The following GALNTL6 variants were observed in gnomAD, a reference collection of about 807,000 sequenced individuals.
The protein encoded by GALNTL6 is polypeptide N-acetylgalactosaminyltransferase like 6.
In GALNTL6, 46 loss-of-function variants were observed where a neutral mutation model predicts 73.7. That is an observed-to-expected ratio of 0.62 (90% confidence interval 0.49 to 0.80). GALNTL6 has a LOEUF of 0.80. GALNTL6 is among the 30% of genes least tolerant of loss of function. The pLI, the probability that GALNTL6 is intolerant of heterozygous loss-of-function variation, is 0.00. For synonymous variants in GALNTL6, 259 were observed against 263.7 expected, an observed-to-expected ratio of 0.98 and a Z score of 0.17; for missense variants, 604 against 755.0, an observed-to-expected ratio of 0.80 and a Z score of 2.34.
At chr4:172,966,490 G>C (rs1232229467) in intron 10 of GALNTL6, among the ~76,000 whole-genome samples, 1 of 151,808 alleles carries the variant, frequency 6.6e-6, no homozygotes, top group Non-Finnish European at 1.5e-5. Context: ...TGCCTCCCGA[G>C]TTCAAGCGAC....
intron 5 of GALNTL6, among the ~76,000 whole-genome samples, chr4:172,405,429 ATATATATATATATATTTTTTTTTTTTT>A (rs1379708935): frequency 0.27 from 4,330 of 16,208 alleles, 136 homozygotes; most frequent in Non-Finnish European, 0.4. Flanking sequence ...ATATATATAT[ATATATATATATATATTTTTTTTTTTTT>A]TTTTTTTTTT....
chr4:172,841,260 T>C (rs1488971054), intron 7 of GALNTL6, among the ~76,000 whole-genome samples: 1 of 152,204 alleles, frequency 6.6e-6, no homozygotes, highest in Non-Finnish European at 1.5e-5. Flanking sequence ...ATGGCGAAGA[T>C]TTGACATAGG....
intron 2 of GALNTL6, among the ~76,000 whole-genome samples, chr4:172,053,805 T>C (rs1049498649): frequency 4.6e-5 from 7 of 152,154 alleles, no homozygotes; most frequent in Non-Finnish European, 8.8e-5. Flanking sequence ...TGGACCTTTT[T>C]TTTACATGAA....
At chr4:172,158,486 G>A (rs1021287256) in intron 2 of GALNTL6, among the ~76,000 whole-genome samples, 1 of 151,688 alleles carries the variant, frequency 6.6e-6, no homozygotes, top group African/African-American at 2.4e-5. Context: ...GCTATGTTAA[G>A]TGATGATGTA....
intron 5 of GALNTL6, among the ~76,000 whole-genome samples, chr4:172,428,047 G>A (rs2111375611): frequency 6.6e-6 from 1 of 152,138 alleles, no homozygotes; most frequent in East Asian, 1.9e-4. Flanking sequence ...TATTAAAGAA[G>A]TTGAGAAAGT....
At chr4:173,022,176 A>AGAGG (rs1204727803) in intron 12 of GALNTL6, among the ~76,000 whole-genome samples, 7 of 65,958 alleles carry the variant, frequency 1.1e-4, no homozygotes, top group South Asian at 6.8e-4. Flanking sequence ...AGGAAGGGAG[A>AGAGG]GAGGGAGGGA....
At chr4:172,790,857 C>G (rs1220488774) in intron 5 of GALNTL6, among the ~76,000 whole-genome samples, 1 of 144,224 alleles carries the variant, frequency 6.9e-6, no homozygotes, top group Non-Finnish European at 1.5e-5. Context: ...CAAGATCACA[C>G]TACTGCACTC....
At chr4:172,416,412 A>G (rs1381776452) in intron 5 of GALNTL6, among the ~76,000 whole-genome samples, 1 of 152,222 alleles carries the variant, frequency 6.6e-6, no homozygotes, top group East Asian at 1.9e-4. Context: ...ATAGTGCAGT[A>G]AGATATTCTT....
chr4:172,767,774 A>T (rs570575088), intron 5 of GALNTL6, among the ~76,000 whole-genome samples: 282 of 148,460 alleles, frequency 1.9e-3, no homozygotes, highest in Non-Finnish European at 3.3e-3. Context: ...GGTTCAATTA[A>T]TTCTCCTGCC....
chr4:172,416,199 T>C (rs1730826196), intron 5 of GALNTL6, among the ~76,000 whole-genome samples: 1 of 152,196 alleles, frequency 6.6e-6, no homozygotes, highest in Admixed American at 6.5e-5. Context: ...ACATTAGACG[T>C]AGGTGAAGAA....
At chr4:171,899,572 A>C (rs1004060968) in intron 2 of GALNTL6, among the ~76,000 whole-genome samples, 1 of 152,210 alleles carries the variant, frequency 6.6e-6, no homozygotes, top group Non-Finnish European at 1.5e-5. Flanking sequence ...TTTTGAGAGA[A>C]TATAACTCAG....
chr4:172,628,872 TAA>T (rs1739273724), intron 5 of GALNTL6, among the ~76,000 whole-genome samples: 2 of 152,134 alleles, frequency 1.3e-5, no homozygotes, highest in Non-Finnish European at 2.9e-5. Context: ...TGATGAATAT[TAA>T]AAGATTTTCA....
chr4:172,454,880 C>T (rs1732333815), intron 5 of GALNTL6, among the ~76,000 whole-genome samples: 1 of 152,214 alleles, frequency 6.6e-6, no homozygotes, highest in Non-Finnish European at 1.5e-5. Context: ...TCCTTTTCAT[C>T]ATGCAGGCAT....
chr4:173,021,406 T>G, intron 11 of GALNTL6, 70 bp from the exon 12 acceptor site: 4 of 1,494,726 alleles, frequency 2.7e-6, no homozygotes, highest in Non-Finnish European at 3.7e-6. Context: ...AAGACATACC[T>G]TCCCCCGCCC....
At chr4:172,366,585 T>A (rs1742572453) in intron 5 of GALNTL6, among the ~76,000 whole-genome samples, 1 of 152,168 alleles carries the variant, frequency 6.6e-6, no homozygotes, top group South Asian at 2.1e-4. Flanking sequence ...GACATCCTTG[T>A]AGTAAGATCA....
At chr4:172,322,761 A>G (rs1740803843) in intron 4 of GALNTL6, among the ~76,000 whole-genome samples, 2 of 152,158 alleles carry the variant, frequency 1.3e-5, no homozygotes, top group Admixed American at 1.3e-4. Context: ...ACCTCCCACC[A>G]GGCCCCACCT....
At chr4:172,832,896 C>A (rs1742713447) in intron 7 of GALNTL6, among the ~76,000 whole-genome samples, 1 of 152,190 alleles carries the variant, frequency 6.6e-6, no homozygotes, top group Middle Eastern at 3.2e-3. Flanking sequence ...AACAGCTCTG[C>A]CATCAGAAAG....
chr4:171,974,881 T>C (rs1007330828), intron 2 of GALNTL6, among the ~76,000 whole-genome samples: 1 of 152,208 alleles, frequency 6.6e-6, no homozygotes, highest in African/African-American at 2.4e-5. Context: ...GTTGTAACAG[T>C]GGCTTTTTCA....
intron 8 of GALNTL6, among the ~76,000 whole-genome samples, chr4:172,926,419 C>T (rs912766678): frequency 3.9e-5 from 6 of 152,126 alleles, no homozygotes; most frequent in Admixed American, 2.6e-4. Flanking sequence ...CTTTTCATTC[C>T]GCAAATACTC....
Sources: gnomAD v4.1 joint callset for allele counts (sites outside exome capture counted in the v4.1 genomes callset) on GRCh38, gnomAD v4.1.1 for gene constraint, MANE v1.5 for transcripts, NCBI Gene and HGNC (gene_info 2026-07-23, HGNC 2026-07-21) for gene names.